The following TNNI3K variants were observed in gnomAD, a reference collection of about 807,000 sequenced individuals.
The protein encoded by TNNI3K is serine/threonine-protein kinase TNNI3K.
A neutral mutation model predicts 114.5 loss-of-function variants in TNNI3K; 140 were observed. The ratio of observed to expected loss-of-function variants is 1.22; its 90% CI spans 1.07 to 1.41. TNNI3K has a LOEUF of 1.41. Ranked by LOEUF, TNNI3K falls within the 40% of genes most tolerant of loss-of-function variation. The pLI is 0.00. For missense variants in TNNI3K, 1,125 were observed against 1,007.6 expected, an observed-to-expected ratio of 1.12 and a Z score of -1.58; for synonymous variants, 347 against 347.5, an observed-to-expected ratio of 1.00 and a Z score of 0.02.
intron 5 of TNNI3K, among the ~76,000 whole-genome samples, chr1:74,294,449 C>A (rs1316173169): frequency 6.6e-6 from 1 of 151,984 alleles, no homozygotes; most frequent in Non-Finnish European, 1.5e-5. Context: ...CTGACACTGG[C>A]TCAGGGTGCA....
intron 21 of TNNI3K, chr1:74,471,037 A>G: frequency 2.5e-6 from 1 of 400,672 alleles, no homozygotes; most frequent in Non-Finnish European, 4.4e-6. Flanking sequence ...TGCATCTTCC[A>G]TTTGCTCAGT....
intron 23 of TNNI3K, among the ~76,000 whole-genome samples, chr1:74,509,324 C>T (rs571270323): frequency 6.6e-6 from 1 of 152,246 alleles, no homozygotes; most frequent in African/African-American, 2.4e-5. Flanking sequence ...AGGAAAATGA[C>T]ATTTGAGGGT....
chr1:74,525,066 T>C (rs1039491345), intron 23 of TNNI3K, among the ~76,000 whole-genome samples: 6 of 152,062 alleles, frequency 3.9e-5, no homozygotes, highest in Non-Finnish European at 7.4e-5. Context: ...GAATGAAAGA[T>C]GAGATTCTTC....
At chr1:74,300,702 A>G (rs1658271997) in intron 5 of TNNI3K, among the ~76,000 whole-genome samples, 1 of 152,322 alleles carries the variant, frequency 6.6e-6, no homozygotes, top group East Asian at 1.9e-4. Flanking sequence ...ATTTCATTGT[A>G]TTTCGTGCAT....
intron 5 of TNNI3K, among the ~76,000 whole-genome samples, chr1:74,329,205 G>A (rs1021352614): frequency 6.6e-6 from 1 of 152,036 alleles, no homozygotes; most frequent in African/African-American, 2.4e-5. Flanking sequence ...CAGAGGTTCA[G>A]TTTCTTCATC....
At chr1:74,452,009 C>A (rs1301705785) in intron 20 of TNNI3K, among the ~76,000 whole-genome samples, 1 of 151,902 alleles carries the variant, frequency 6.6e-6, no homozygotes, top group Non-Finnish European at 1.5e-5. Flanking sequence ...ATTTTAAAAA[C>A]ATAAACCTGA....
intron 23 of TNNI3K, among the ~76,000 whole-genome samples, chr1:74,504,372 C>T (rs967474511): frequency 6.6e-6 from 1 of 152,140 alleles, no homozygotes; most frequent in Non-Finnish European, 1.5e-5. Context: ...CTCCAGCCCT[C>T]CTGAATGCTG....
At chr1:74,359,766 G>T (rs1661856596) in intron 11 of TNNI3K, among the ~76,000 whole-genome samples, 1 of 152,004 alleles carries the variant, frequency 6.6e-6, no homozygotes, top group African/African-American at 2.4e-5. Flanking sequence ...GAATGTCAAA[G>T]AATTTGTGAT....
Position 74,367,322 on chromosome 1 carries a change from A to T in TNNI3K, c.1244A>T (p.Glu415Val). Residue 415 changes from glutamate (E) to valine (V), a missense_variant, in exon 12 of 25, where the codon GAA becomes GTA. Transcript: ENST00000326637. ...CCACAAGATGAATTGCCCTGTAATG[A>T]ATATTCTCAGCCTGGAGGAGGTACC... ...KRPQDELPCN[E>V]YSQPGGDGSY... 1 of 1,612,164 alleles carries T rather than the reference A, an allele frequency of 6.2e-7. No individual in the cohort carries two copies. The highest frequency in any genetic ancestry group is 8.5e-7 in the Non-Finnish European group (1 of 1,178,712).
intron 17 of TNNI3K, among the ~76,000 whole-genome samples, chr1:74,435,377 A>G (rs935949921): frequency 5.9e-5 from 9 of 152,108 alleles, no homozygotes; most frequent in African/African-American, 1.9e-4. Flanking sequence ...GATTACCATA[A>G]TCAGGCTAAT....
At chr1:74,262,302 C>T (rs1368055294) in intron 4 of TNNI3K, among the ~76,000 whole-genome samples, 2 of 152,044 alleles carry the variant, frequency 1.3e-5, no homozygotes, top group Non-Finnish European at 2.9e-5. Context: ...TGAGAGCAGC[C>T]ACTTCCCTCA....
rs549216711 is a variant in TNNI3K, at chr1:74,508,276, A to C, written c.2351+16010A>C. ...CATGTACCCTAGAACTTAAAGTATA[A>C]TAAAAATAGTAATAATAATAGCCAT... is the stretch of plus-strand genomic sequence containing the variant. On this transcript the variant is annotated intron_variant, in intron 23 of 24. Coordinates refer to ENST00000326637, the MANE Select transcript of TNNI3K (RefSeq NM_015978.3). 2.6e-5 allele frequency among the ~76,000 whole-genome samples: 4 copies of C among 152,376 alleles called. No homozygotes were observed. The South Asian group carries it at 8.3e-4, about 32-fold the overall frequency.
At chr1:74,321,450 T>G (rs1041009931) in intron 5 of TNNI3K, among the ~76,000 whole-genome samples, 21 of 152,046 alleles carry the variant, frequency 1.4e-4, no homozygotes, top group African/African-American at 4.6e-4. Flanking sequence ...GGATGTTACT[T>G]GCTAGTTTCA....
chr1:74,314,146 T>G (rs1659162115), intron 5 of TNNI3K, among the ~76,000 whole-genome samples: 1 of 147,642 alleles, frequency 6.8e-6, no homozygotes, highest in African/African-American at 2.5e-5. Context: ...TTATTCACAG[T>G]ATTCCCCATA....
intron 22 of TNNI3K, among the ~76,000 whole-genome samples, chr1:74,491,786 T>A (rs577109190): frequency 6.6e-6 from 1 of 152,230 alleles, no homozygotes; most frequent in Non-Finnish European, 1.5e-5. Context: ...ATGTGAAGAA[T>A]CTTTTGATCA....
At chr1:74,494,423 G>T (rs746104441) in intron 23 of TNNI3K, among the ~76,000 whole-genome samples, 1 of 152,128 alleles carries the variant, frequency 6.6e-6, no homozygotes, top group African/African-American at 2.4e-5. Flanking sequence ...TTAAGTATTA[G>T]TAGGTTTGAT....
chr1:74,428,875 C>T (rs774013030), intron 17 of TNNI3K, among the ~76,000 whole-genome samples: 1 of 152,074 alleles, frequency 6.6e-6, no homozygotes, highest in Non-Finnish European at 1.5e-5. Context: ...TTCGAGGTTA[C>T]AGTGAGCTAT....
chr1:74,397,776 A>T (rs922526482), intron 17 of TNNI3K, among the ~76,000 whole-genome samples: 1 of 152,218 alleles, frequency 6.6e-6, no homozygotes, highest in Admixed American at 6.5e-5. Flanking sequence ...TGATAGCATA[A>T]CACAATGGCT....
chr1:74,503,148 G>C (rs1263542464), intron 23 of TNNI3K, among the ~76,000 whole-genome samples: 2 of 152,120 alleles, frequency 1.3e-5, no homozygotes, highest in African/African-American at 4.8e-5. Flanking sequence ...TCTTTTAGCT[G>C]ACATTTGTGG....
Sources: gnomAD v4.1 joint callset for allele counts (sites outside exome capture counted in the v4.1 genomes callset) on GRCh38, gnomAD v4.1.1 for gene constraint, MANE v1.5 for transcripts, NCBI Gene and HGNC (gene_info 2026-07-23, HGNC 2026-07-21) for gene names.